GAN: variants seen among roughly 807,000 people sequenced by gnomAD.
GAN encodes gigaxonin.
A neutral mutation model predicts 71.3 loss-of-function variants in GAN; 48 were observed. That is an observed-to-expected ratio of 0.67 (90% CI 0.53 to 0.86). GAN has a LOEUF of 0.86. Ranked by LOEUF, GAN falls within the 40% of genes least tolerant of loss-of-function variation. The pLI is 0.00. For missense variants in GAN, 928 were observed against 770.1 expected (o/e 1.21, Z -2.43); for synonymous variants, 386 against 276.8 (o/e 1.39, Z -3.92).
intron 5 of GAN, among the ~76,000 whole-genome samples, chr16:81,358,652 A>G (rs976393543): frequency 2.0e-5 from 3 of 152,182 alleles, no homozygotes; most frequent in Non-Finnish European, 2.9e-5. Flanking sequence ...ACTTTAGGAA[A>G]TGCTACTTAT....
In GAN at chr16:81,314,986, G is replaced by C. The variant is rs548431033; in HGVS notation, c.-128G>C. The C allele has an allele frequency of 1.3e-6, 1 of 757,634 alleles. No homozygotes were observed. The highest frequency in any genetic ancestry group is 4.3e-5 in the Admixed American group (1 of 23,048). 46.9% of individuals were successfully genotyped at this position (757,634 alleles called of 1,614,324 possible). ...CGGATAGCACAGGCACGTCCCGGGG[G>C]CTCCAGCTTCTGCTCAGAGCGCGGA... On this transcript the variant is annotated 5_prime_UTR_variant, in exon 1 of 11. Coordinates refer to ENST00000648994, the MANE Select transcript of GAN (RefSeq NM_022041.4).
intron 6 of GAN, among the ~76,000 whole-genome samples, chr16:81,362,940 G>A (rs1440030622): frequency 2.0e-5 from 3 of 152,216 alleles, no homozygotes; most frequent in South Asian, 2.1e-4. Flanking sequence ...TCCTGTCCCC[G>A]TCTTCGTACG....
chr16:81,378,908 A>G lies in GAN; in HGVS notation c.*1312A>G, dbSNP rs985718540. The G allele has an allele frequency of 2.6e-5, 4 of 152,486 alleles. No homozygotes were observed. Among genetic ancestry groups the G allele is most frequent in the African/African-American group, 9.7e-5 (4 of 41,424 alleles). 9.4% of individuals were successfully genotyped at this position (152,486 alleles called of 1,614,324 possible). A position where few individuals can be genotyped will look rare whatever the true frequency, so the allele number is the denominator to read the frequency against. ...GTAAGATATTTTGTTTTCCACTTGA[A>G]TTACACCACCCTAGTGTGAAATCGG... On this transcript the variant is annotated 3_prime_UTR_variant, in exon 11 of 11. Coordinates refer to ENST00000648994, the MANE Select transcript of GAN (RefSeq NM_022041.4).
intron 1 of GAN, among the ~76,000 whole-genome samples, chr16:81,326,958 A>G (rs1461555233): frequency 6.6e-6 from 1 of 152,252 alleles, no homozygotes. Context: ...ACTACATCCA[A>G]GTAAGGTTGA....
chr16:81,365,177 T>C (rs1437955454), intron 8 of GAN, 67 bp downstream of exon 8: 4 of 1,582,342 alleles, frequency 2.5e-6, no homozygotes, highest in Non-Finnish European at 3.5e-6. Flanking sequence ...CCCCTTACCC[T>C]GCCTGGCTTT....
At position 81,352,219 on chromosome 16, in the gene GAN, T is replaced by C. The variant is rs146878654; in HGVS notation, c.282+522T>C. 7.3e-3 allele frequency among the ~76,000 whole-genome samples: 1,108 copies of C among 152,298 alleles called. 14 individuals carry two copies. The highest frequency in any genetic ancestry group is 0.026 in the African/African-American group (1,072 of 41,572). On this transcript the variant is annotated intron_variant, in intron 2 of 10. Coordinates refer to ENST00000648994, the MANE Select transcript of GAN (RefSeq NM_022041.4). ...TTCACGATGCCCTGGTCCTGTTGCC[T>C]CAGTAGTACCCACATCCCTGCCCCA...
At chr16:81,330,288 A>G (rs1909532811) in intron 1 of GAN, among the ~76,000 whole-genome samples, 1 of 152,228 alleles carries the variant, frequency 6.6e-6, no homozygotes, top group Admixed American at 6.5e-5. Flanking sequence ...TCCAGAGACA[A>G]GGCTGATTCA....
chr16:81,316,350 G>C (rs1909039984), intron 1 of GAN, among the ~76,000 whole-genome samples: 1 of 16,752 alleles, frequency 6.0e-5, no homozygotes, highest in African/African-American at 1.6e-4. Flanking sequence ...CACCACGCAC[G>C]CTACACTTTT....
chr16:81,342,352 A>G (rs1404673378), intron 1 of GAN, among the ~76,000 whole-genome samples: 2 of 152,226 alleles, frequency 1.3e-5, no homozygotes, highest in Non-Finnish European at 2.9e-5. Flanking sequence ...ACCACATTGC[A>G]CTTATTCTAA....
At chr16:81,327,005 C>T (rs76911452) in intron 1 of GAN, among the ~76,000 whole-genome samples, 1 of 152,136 alleles carries the variant, frequency 6.6e-6, no homozygotes, top group Non-Finnish European at 1.5e-5. Context: ...TAGCTGAATA[C>T]GTTTGTGGGG....
In GAN at chr16:81,315,222, G is replaced by A; in HGVS notation, c.109G>A (p.Asp37Asn). 6.3e-7 allele frequency: 1 copy of A among 1,582,396 alleles called. No homozygotes were observed. The highest frequency in any genetic ancestry group is 8.6e-7 in the Non-Finnish European group (1 of 1,166,482). The change falls in exon 1 of 11, where the codon GAC (aspartate) becomes AAC (asparagine). Residue 37 changes from aspartate (D) to asparagine (N), a missense_variant. Asp to Asn is a conservative substitution (Grantham distance 23). Coordinates refer to ENST00000648994, the MANE Select transcript of GAN (RefSeq NM_022041.4). ...SRFCDAHLVLDGEEIPVQKNI... is the reference protein window; with the variant it reads ...SRFCDAHLVLNGEEIPVQKNI... ...CTTCTGCGACGCGCACCTGGTCCTC[G>A]ACGGGGAGGAGATCCCGGTGCAGAA...
In GAN at chr16:81,381,375, T is replaced by C. The variant is rs979876748; in HGVS notation, c.*3779T>C. The C allele has an allele frequency of 6.6e-6, 1 of 152,134 alleles. No individual in the cohort carries two copies. The highest frequency in any genetic ancestry group is 2.4e-5 in the African/African-American group (1 of 41,418). The allele number at this position is 152,134 out of a possible 1,614,324, so 9.4% of individuals were successfully genotyped here. ...GGTCAGATGAAGACCTTTGGTTAAATGGGGGAAGAATGAGGTGGCGCTTTG... is the reference window on the plus strand; with the variant it reads ...GGTCAGATGAAGACCTTTGGTTAAACGGGGGAAGAATGAGGTGGCGCTTTG... On this transcript the variant is annotated 3_prime_UTR_variant, in exon 11 of 11. Transcript: ENST00000648994.
At chr16:81,369,704 G>A (rs1249492155) in intron 9 of GAN, among the ~76,000 whole-genome samples, 2 of 152,132 alleles carry the variant, frequency 1.3e-5, no homozygotes, top group African/African-American at 2.4e-5. Context: ...CCATTCTCCT[G>A]CCTCAGCCTC....
intron 1 of GAN, among the ~76,000 whole-genome samples, chr16:81,349,258 C>G (rs1419106990): frequency 6.6e-6 from 1 of 152,072 alleles, no homozygotes; most frequent in African/African-American, 2.4e-5. Context: ...AGTCTTCAGT[C>G]CAATTCAGGT....
At chr16:81,324,533 T>C (rs1382501555) in intron 1 of GAN, among the ~76,000 whole-genome samples, 1 of 151,916 alleles carries the variant, frequency 6.6e-6, no homozygotes, top group African/African-American at 2.4e-5. Context: ...TACCTGGAGA[T>C]GGTGAGCAAA....
intron 6 of GAN, among the ~76,000 whole-genome samples, chr16:81,362,876 C>G (rs963474882): frequency 6.6e-6 from 1 of 152,192 alleles, no homozygotes; most frequent in African/African-American, 2.4e-5. Flanking sequence ...CCAGCGTGGC[C>G]TGCCCCCTCC....
rs913307960 is a variant in GAN, at chr16:81,386,749, C to A, written c.*9153C>A. ...ATCACCTGAGGTCGGCAGTTTGAGA[C>A]CAGCCTGACCAACGTGGAGAAACCC... On this transcript the variant is annotated 3_prime_UTR_variant, in exon 11 of 11. Transcript: ENST00000648994. The A allele has an allele frequency of 6.6e-6, 1 of 152,274 alleles. No homozygotes were observed. The allele number at this position is 152,274 out of a possible 1,614,324, so 9.4% of individuals were successfully genotyped here.
Position 81,377,585 on chromosome 16 carries a change from C to G in GAN, c.1783C>G (p.His595Asp). 1 of 1,614,086 alleles carries G rather than the reference C, an allele frequency of 6.2e-7. No homozygotes were observed. Among genetic ancestry groups the G allele is most frequent in the East Asian group, 2.2e-5 (1 of 44,888 alleles). ...GCAAGGCTTATTCCGTATTCGTGTT[C>G]ATTCCCCTTGAGGAGGAAGCAGAGC... is the stretch of plus-strand genomic sequence containing the variant. ...LQQGLFRIRV[H>D]SP is the part of the protein sequence containing the mutation. The change falls in exon 11 of 11, where the codon CAT becomes GAT. Residue 595 changes from histidine (H) to aspartate (D), a missense_variant. Coordinates refer to ENST00000648994, the MANE Select transcript of GAN (RefSeq NM_022041.4).
At chr16:81,370,714 C>T (rs919172562) in intron 9 of GAN, among the ~76,000 whole-genome samples, 1 of 152,274 alleles carries the variant, frequency 6.6e-6, no homozygotes, top group Non-Finnish European at 1.5e-5. Context: ...CCTTTGGCCC[C>T]TGGCCTTGCC....
Sources: allele counts gnomAD v4.1 joint callset (sites outside exome capture counted in the v4.1 genomes callset), GRCh38; gene constraint gnomAD v4.1.1; transcripts MANE v1.5; gene names NCBI Gene and HGNC (gene_info 2026-07-23, HGNC 2026-07-21).